Variants in MYO5B observed in about 807,000 individuals in gnomAD.
The protein encoded by MYO5B is unconventional myosin-Vb.
A neutral mutation model predicts 229.3 loss-of-function variants in MYO5B; 143 were observed. The observed-to-expected ratio is 0.62, with a 90% CI of 0.54 to 0.72. The LOEUF is 0.72. MYO5B is among the 30% of genes least tolerant of loss of function. MYO5B has a pLI of 0.00. For synonymous variants in MYO5B, 918 were observed against 885.2 expected, an observed-to-expected ratio of 1.04 and a Z score of -0.66; for missense variants, 2,321 against 2,331.0, an observed-to-expected ratio of 1.00 and a Z score of 0.09.
chr18:49,864,608 G>A (rs2024375213), intron 27 of MYO5B, among the ~76,000 whole-genome samples: 1 of 152,246 alleles, frequency 6.6e-6, no homozygotes, highest in Non-Finnish European at 1.5e-5. Flanking sequence ...TGCCTCCAGA[G>A]CGGCAGTCTC....
intron 14 of MYO5B, among the ~76,000 whole-genome samples, chr18:49,947,786 T>C (rs2025390795): frequency 6.6e-6 from 1 of 152,212 alleles, no homozygotes; most frequent in African/African-American, 2.4e-5. Flanking sequence ...GGCTTTGGTA[T>C]TCTCTGCTAT....
At chr18:50,080,993 G>A (rs1257056854) in intron 1 of MYO5B, among the ~76,000 whole-genome samples, 1 of 152,152 alleles carries the variant, frequency 6.6e-6, no homozygotes, top group Non-Finnish European at 1.5e-5. Context: ...TGACTAGGAG[G>A]TGGAATCTAA....
chr18:50,109,370 T>A (rs2031821719), intron 1 of MYO5B, among the ~76,000 whole-genome samples: 3 of 151,882 alleles, frequency 2.0e-5, no homozygotes, highest in African/African-American at 7.3e-5. Context: ...TCACAAAACA[T>A]GCTCTGTCAC....
intron 1 of MYO5B, among the ~76,000 whole-genome samples, chr18:50,059,548 T>C (rs942602829): frequency 2.6e-5 from 4 of 152,192 alleles, no homozygotes; most frequent in African/African-American, 2.4e-5. Flanking sequence ...TAGATGCAAA[T>C]CTAGTAAATA....
At chr18:49,919,499 TA>T (rs1375912594) in intron 17 of MYO5B, among the ~76,000 whole-genome samples, 5 of 151,482 alleles carry the variant, frequency 3.3e-5, no homozygotes, top group African/African-American at 7.3e-5. Context: ...AGTAATCCAA[TA>T]AAAAAAATGG....
rs1384383271 is a variant in MYO5B, at chr18:50,101,809, T to G, written c.28-46431A>C. 2.0e-5 allele frequency among the ~76,000 whole-genome samples: 3 copies of G among 152,294 alleles called. No homozygotes were observed. In the East Asian group the frequency reaches 5.8e-4, roughly 29 times the overall value. On this transcript the variant is annotated intron_variant, in intron 1 of 39. Transcript: ENST00000285039. ...TTGATGGGAATGTAAATTAGTTCAT[T>G]GTGGAAGAAAGTGTGGCAATTCCTC...
At chr18:50,154,895 A>T (rs17802456) in intron 1 of MYO5B, among the ~76,000 whole-genome samples, 14,123 of 152,150 alleles carry the variant, frequency 0.093, 746 homozygotes, top group East Asian at 0.19. Flanking sequence ...ATTGGCTGTT[A>T]TGTTACAGAC....
intron 1 of MYO5B, among the ~76,000 whole-genome samples, chr18:50,065,231 C>G (rs991259755): frequency 2.0e-5 from 3 of 152,188 alleles, no homozygotes; most frequent in Admixed American, 6.5e-5. Flanking sequence ...TTCACCTAAT[C>G]CTCTACAAGT....
intron 4 of MYO5B, among the ~76,000 whole-genome samples, chr18:50,028,067 G>C (rs548179692): frequency 8.5e-4 from 129 of 152,278 alleles, no homozygotes; most frequent in African/African-American, 3.0e-3. Flanking sequence ...TCAGGATTAA[G>C]GAAATGTTTG....
chr18:49,876,146 A>G (rs2024519634), intron 25 of MYO5B: 3 of 381,996 alleles, frequency 7.9e-6, no homozygotes, highest in Admixed American at 3.8e-5. Flanking sequence ...TTGGAAGTTA[A>G]AAGAGCTCAC....
intron 1 of MYO5B, chr18:50,097,211 C>A (rs2031568341): frequency 6.6e-6 from 3 of 456,738 alleles, no homozygotes; most frequent in South Asian, 4.6e-5. Context: ...GATGTCATCA[C>A]TCCCACCTCC....
chr18:50,083,028 C>T (rs73446685), intron 1 of MYO5B, among the ~76,000 whole-genome samples: 17,824 of 152,216 alleles, frequency 0.12, 2,129 homozygotes, highest in African/African-American at 0.31. Flanking sequence ...ACCTGTATTC[C>T]GGGAGTTCCC....
At chr18:50,049,894 T>A (rs2030346157) in intron 2 of MYO5B, among the ~76,000 whole-genome samples, 1 of 152,210 alleles carries the variant, frequency 6.6e-6, no homozygotes, top group South Asian at 2.1e-4. Flanking sequence ...ACGGTGGTGA[T>A]GGTCACACAA....
intron 14 of MYO5B, among the ~76,000 whole-genome samples, chr18:49,943,753 T>C (rs773431807): frequency 6.6e-6 from 1 of 152,202 alleles, no homozygotes; most frequent in South Asian, 2.1e-4. Context: ...TGGTCTAGCA[T>C]GGAAGGTGAA....
At chr18:49,973,094 C>T (rs912796246) in intron 10 of MYO5B, among the ~76,000 whole-genome samples, 2 of 152,182 alleles carry the variant, frequency 1.3e-5, no homozygotes, top group Non-Finnish European at 2.9e-5. Flanking sequence ...GAAACTTGTA[C>T]AGCACGAAGC....
At chr18:49,921,712 G>T (rs941034117) in intron 17 of MYO5B, among the ~76,000 whole-genome samples, 3 of 152,126 alleles carry the variant, frequency 2.0e-5, no homozygotes, top group African/African-American at 7.2e-5. Flanking sequence ...TGGGGAAGGG[G>T]GGTAAGAATT....
intron 12 of MYO5B, among the ~76,000 whole-genome samples, chr18:49,957,383 T>C (rs143973944): frequency 1.3e-5 from 2 of 152,246 alleles, no homozygotes; most frequent in African/African-American, 4.8e-5. Context: ...GGCTCACACC[T>C]GTAATCCCAG....
At chr18:49,900,327 C>A (rs1240258199) in intron 21 of MYO5B, among the ~76,000 whole-genome samples, 1 of 152,242 alleles carries the variant, frequency 6.6e-6, no homozygotes, top group Admixed American at 6.5e-5. Context: ...GTGCCCTCCT[C>A]CCTGACCTGG....
chr18:50,081,971 A>G (rs2144471437), intron 1 of MYO5B, among the ~76,000 whole-genome samples: 1 of 152,376 alleles, frequency 6.6e-6, no homozygotes, highest in South Asian at 2.1e-4. Flanking sequence ...TTGGTTTAAC[A>G]AAATTCTTTT....
Sources: allele counts gnomAD v4.1 joint callset (sites outside exome capture counted in the v4.1 genomes callset), GRCh38; gene constraint gnomAD v4.1.1; transcripts MANE v1.5; gene names NCBI Gene and HGNC (gene_info 2026-07-23, HGNC 2026-07-21).